The following ROBO2 variants were observed in gnomAD, a reference collection of about 807,000 sequenced individuals.
The protein encoded by ROBO2 is roundabout homolog 2.
In ROBO2, 53 loss-of-function variants were observed where a neutral mutation model predicts 160.8. That is an observed-to-expected ratio of 0.33 (90% CI 0.26 to 0.41). The LOEUF is 0.41. Among genes scored for constraint, ROBO2 ranks in the 10% least tolerant of loss-of-function variants. ROBO2 has a pLI of 1.00. For missense variants in ROBO2, 1,577 were observed against 1,722.4 expected (o/e 0.92, Z 1.49); for synonymous variants, 664 against 611.7 (o/e 1.09, Z -1.26).
chr3:76,120,069 T>G (rs569416443), intron 2 of ROBO2, among the ~76,000 whole-genome samples: 30 of 152,084 alleles, frequency 2.0e-4, no homozygotes, highest in African/African-American at 6.5e-4. Context: ...TGATCTCGGC[T>G]TACTGCAACC....
chr3:77,029,800 G>C (rs577253932), intron 2 of ROBO2, among the ~76,000 whole-genome samples: 2 of 152,138 alleles, frequency 1.3e-5, no homozygotes, highest in Admixed American at 1.3e-4. Flanking sequence ...ATTAACAAAA[G>C]ACAATATCTA....
intron 2 of ROBO2, among the ~76,000 whole-genome samples, chr3:76,859,943 G>A (rs914360440): frequency 1.3e-5 from 2 of 152,186 alleles, no homozygotes; most frequent in South Asian, 2.1e-4. Context: ...ATATTTAGAC[G>A]TGAGTGTTGT....
intron 2 of ROBO2, among the ~76,000 whole-genome samples, chr3:76,012,302 A>G (rs979667019): frequency 2.0e-5 from 3 of 152,224 alleles, no homozygotes; most frequent in African/African-American, 7.2e-5. Context: ...CATATCATTA[A>G]GATCAAAATG....
intron 2 of ROBO2, among the ~76,000 whole-genome samples, chr3:76,691,564 G>C (rs942585710): frequency 1.3e-5 from 2 of 152,144 alleles, no homozygotes; most frequent in African/African-American, 4.8e-5. Flanking sequence ...AGAGCTAGAG[G>C]AAAAAGAGGC....
intron 21 of ROBO2, among the ~76,000 whole-genome samples, chr3:77,614,395 T>C (rs1035198516): frequency 1.3e-5 from 2 of 152,174 alleles, no homozygotes; most frequent in African/African-American, 4.8e-5. Flanking sequence ...ATATAGTCAA[T>C]TAAATGGGAA....
intron 2 of ROBO2, among the ~76,000 whole-genome samples, chr3:76,712,549 C>T (rs1414619453): frequency 6.6e-6 from 1 of 151,938 alleles, no homozygotes; most frequent in Non-Finnish European, 1.5e-5. Flanking sequence ...GTGGTATGTG[C>T]CTGTAATCCC....
At chr3:77,602,291 T>C in exon 20 of ROBO2, 1 of 1,614,140 alleles carries the variant, frequency 6.2e-7, no homozygotes, top group Non-Finnish European at 8.5e-7. Flanking sequence ...AGCATTGACT[T>C]CACTACCAAA....
At chr3:77,238,760 C>T (rs546748819) in intron 2 of ROBO2, among the ~76,000 whole-genome samples, 14 of 152,178 alleles carry the variant, frequency 9.2e-5, no homozygotes, top group African/African-American at 3.1e-4. Context: ...GGCAAACAGA[C>T]CACCTTGGTC....
intron 2 of ROBO2, among the ~76,000 whole-genome samples, chr3:77,182,600 A>C (rs2080889699): frequency 6.6e-6 from 1 of 152,158 alleles, no homozygotes; most frequent in Admixed American, 6.6e-5. Context: ...AGAGCTGCCA[A>C]CCTATCGATC....
chr3:77,408,879 T>TA (rs1326601273), intron 2 of ROBO2, among the ~76,000 whole-genome samples: 1 of 151,798 alleles, frequency 6.6e-6, no homozygotes, highest in Non-Finnish European at 1.5e-5. Context: ...CATTCACCAC[T>TA]GTGGCTGGCT....
chr3:77,317,743 G>T (rs1408508066), intron 2 of ROBO2: 1 of 19,920 alleles, frequency 5.0e-5, no homozygotes, highest in Non-Finnish European at 8.2e-5. Flanking sequence ...CTGCTGGGGG[G>T]GCTGCTGGGG....
intron 2 of ROBO2, among the ~76,000 whole-genome samples, chr3:76,376,426 T>C (rs910903794): frequency 2.0e-5 from 3 of 152,142 alleles, no homozygotes; most frequent in African/African-American, 7.2e-5. Context: ...TGAACAAATT[T>C]GTTTGTGTCT....
chr3:77,639,871 A>C (rs1476042106), intron 24 of ROBO2, among the ~76,000 whole-genome samples: 1 of 152,168 alleles, frequency 6.6e-6, no homozygotes, highest in African/African-American at 2.4e-5. Flanking sequence ...AAATGAGGCA[A>C]GGTGGAGATT....
chr3:76,155,881 A>G (rs534772182), intron 2 of ROBO2, among the ~76,000 whole-genome samples: 3 of 152,314 alleles, frequency 2.0e-5, no homozygotes, highest in South Asian at 2.1e-4. Flanking sequence ...TTGTAAGAGT[A>G]CTTGGTGTGA....
chr3:77,080,967 A>AT (rs1227668787), intron 1 of ROBO2, among the ~76,000 whole-genome samples: 1 of 152,100 alleles, frequency 6.6e-6, no homozygotes, highest in Non-Finnish European at 1.5e-5. Flanking sequence ...TGGCTCAAGT[A>AT]TTTGACATTA....
Position 76,404,704 on chromosome 3 carries a change from G to A in ROBO2, c.109+467102G>A, listed in dbSNP as rs147869387. Among the ~76,000 whole-genome samples, 301 of 151,586 alleles carry A rather than the reference G, an allele frequency of 2.0e-3. 3 individuals are homozygous for A. The highest frequency in any genetic ancestry group is 7.3e-3 in the South Asian group (35 of 4,818). ...TAGAGGTAGATAAAGAAATGCAGGC[G>A]TGTGGGTTGGGAGTAGCTATCAAAA... On this transcript the variant is annotated intron_variant, in intron 2 of 26. Transcript: ENST00000487694.
At chr3:77,469,030 C>T (rs528036280) in intron 2 of ROBO2, among the ~76,000 whole-genome samples, 1 of 152,294 alleles carries the variant, frequency 6.6e-6, no homozygotes, top group East Asian at 1.9e-4. Flanking sequence ...GCCTGCCCAT[C>T]CTGACCATAT....
intron 3 of ROBO2, among the ~76,000 whole-genome samples, chr3:77,477,939 G>T (rs912469978): frequency 7.2e-6 from 1 of 138,326 alleles, no homozygotes; most frequent in African/African-American, 2.8e-5. Context: ...TGATTCTTCT[G>T]CCTTAGCTTC....
chr3:77,382,556 C>G (rs375842387), intron 2 of ROBO2, among the ~76,000 whole-genome samples: 5 of 152,180 alleles, frequency 3.3e-5, no homozygotes, highest in East Asian at 3.9e-4. Flanking sequence ...TTTTCTCCTT[C>G]ACCCCCTTCC....
Sources: gnomAD v4.1 joint callset for allele counts (sites outside exome capture counted in the v4.1 genomes callset) on GRCh38, gnomAD v4.1.1 for gene constraint, MANE v1.5 for transcripts, NCBI Gene and HGNC (gene_info 2026-07-23, HGNC 2026-07-21) for gene names.